CCDC102B: variants seen among roughly 807,000 people sequenced by gnomAD.
CCDC102B encodes the protein coiled-coil domain containing 102B.
Under a neutral mutation model 57.4 loss-of-function variants are expected in CCDC102B, and 75 were observed. That is an observed-to-expected ratio of 1.31 (90% CI 1.08 to 1.58). The LOEUF is 1.58. Ranked by LOEUF, CCDC102B falls within the 40% of genes most tolerant of loss-of-function variation. The pLI is 0.00. For synonymous variants in CCDC102B, 206 were observed against 201.9 expected (o/e 1.02, Z -0.17); for missense variants, 636 against 582.6 (o/e 1.09, Z -0.94).
chr18:68,791,480 A>T (rs561630519), intron 2 of CCDC102B, among the ~76,000 whole-genome samples: 119 of 152,154 alleles, frequency 7.8e-4, no homozygotes, highest in African/African-American at 2.7e-3. Flanking sequence ...AAAATTAATT[A>T]TACACTGTAA....
chr18:68,981,817 A>G (rs1462604966), intron 6 of CCDC102B, among the ~76,000 whole-genome samples: 1 of 151,910 alleles, frequency 6.6e-6, no homozygotes, highest in Non-Finnish European at 1.5e-5. Context: ...TTCAATTCCC[A>G]CCTATGAGTG....
chr18:69,025,069 ATTAT>A (rs1455004697), intron 7 of CCDC102B, among the ~76,000 whole-genome samples: 1 of 152,126 alleles, frequency 6.6e-6, no homozygotes, highest in African/African-American at 2.4e-5. Flanking sequence ...ATGCTATTTA[ATTAT>A]TTTTTATTCT....
At chr18:68,916,460 G>A (rs1375718325) in intron 6 of CCDC102B, among the ~76,000 whole-genome samples, 1 of 152,106 alleles carries the variant, frequency 6.6e-6, no homozygotes, top group Non-Finnish European at 1.5e-5. Context: ...CTCTTTTCCT[G>A]CTTTAATCAG....
At chr18:68,907,757 G>T (rs1337033010) in intron 6 of CCDC102B, among the ~76,000 whole-genome samples, 1 of 152,014 alleles carries the variant, frequency 6.6e-6, no homozygotes, top group Non-Finnish European at 1.5e-5. Context: ...TTTATGCTTT[G>T]CAATTTGCAT....
intron 2 of CCDC102B, among the ~76,000 whole-genome samples, chr18:68,738,294 A>ATTTC (rs1568225301): frequency 6.6e-6 from 1 of 152,162 alleles, no homozygotes; most frequent in East Asian, 1.9e-4. Flanking sequence ...CTACAGAAAT[A>ATTTC]TGTAGCAAAG....
intron 6 of CCDC102B, among the ~76,000 whole-genome samples, chr18:69,008,765 C>T (rs1454812996): frequency 1.3e-5 from 2 of 152,144 alleles, no homozygotes; most frequent in Non-Finnish European, 2.9e-5. Context: ...CAAGAGCCTG[C>T]GACTAATCAA....
intron 2 of CCDC102B, among the ~76,000 whole-genome samples, chr18:68,789,554 T>C (rs2144655320): frequency 6.7e-6 from 1 of 149,812 alleles, no homozygotes; most frequent in Non-Finnish European, 1.5e-5. Context: ...TCTCTAAACT[T>C]CCCTTCTCGC....
At chr18:68,988,647 A>G (rs2050787433) in intron 6 of CCDC102B, among the ~76,000 whole-genome samples, 1 of 152,192 alleles carries the variant, frequency 6.6e-6, no homozygotes, top group Non-Finnish European at 1.5e-5. Flanking sequence ...GAGTACTGGA[A>G]TCAATGATAT....
intron 7 of CCDC102B, among the ~76,000 whole-genome samples, chr18:69,020,593 T>G (rs2051804500): frequency 6.6e-6 from 1 of 152,072 alleles, no homozygotes. Flanking sequence ...TCTATTAGGT[T>G]GGTGTAAAAG....
At chr18:69,038,352 T>A (rs1006042845) in intron 7 of CCDC102B, among the ~76,000 whole-genome samples, 505 of 11,186 alleles carry the variant, frequency 0.045, 1 homozygote, top group Non-Finnish European at 0.42. Context: ...GTGCAAAATG[T>A]TTTGTGTGTT....
rs192072594 is a variant in CCDC102B at position 68,937,755 on chromosome 18, C to A, written c.1263+40327C>A. 5.3e-5 allele frequency among the ~76,000 whole-genome samples: 8 copies of A among 152,104 alleles called. 1 individual carries two copies. In the South Asian group the frequency reaches 6.2e-4, roughly 12 times the overall value. The stretch of plus-strand genomic sequence containing the variant: ...CTAACGCTATCCCTCCCCTATCCCC[C>A]TACCCCACCAGCCCCCTGACAGGCC... On this transcript the variant is annotated intron_variant, in intron 6 of 7. Transcript: ENST00000360242.
At chr18:68,793,429 C>A (rs1282646790), upstream of CCDC102B, among the ~76,000 whole-genome samples, 2 of 151,990 alleles carry the variant, frequency 1.3e-5, no homozygotes, top group Non-Finnish European at 2.9e-5. Context: ...ACTATTAATT[C>A]TTTCAATTTA....
chr18:68,779,647 T>C (rs1188847872), intron 2 of CCDC102B, among the ~76,000 whole-genome samples: 1 of 152,090 alleles, frequency 6.6e-6, no homozygotes, highest in South Asian at 2.1e-4. Flanking sequence ...TCAAAAATGT[T>C]TGGAGACCAT....
chr18:68,832,427 G>T (rs1339336899), intron 1 of CCDC102B, among the ~76,000 whole-genome samples: 1 of 152,166 alleles, frequency 6.6e-6, no homozygotes, highest in African/African-American at 2.4e-5. Context: ...GATGGCAGAA[G>T]TGATGTCTAT....
chr18:68,928,771 C>T (rs2041564578), intron 6 of CCDC102B, among the ~76,000 whole-genome samples: 1 of 151,762 alleles, frequency 6.6e-6, no homozygotes, highest in South Asian at 2.1e-4. Flanking sequence ...TAACTTGAGC[C>T]TTTTTAATGC....
At chr18:68,763,564 T>A (rs899312500) in intron 2 of CCDC102B, among the ~76,000 whole-genome samples, 1 of 152,162 alleles carries the variant, frequency 6.6e-6, no homozygotes, top group African/African-American at 2.4e-5. Flanking sequence ...TACTGTGATA[T>A]GCCAATGCAG....
At chr18:69,037,562 A>C (rs948747566) in intron 7 of CCDC102B, among the ~76,000 whole-genome samples, 1 of 151,960 alleles carries the variant, frequency 6.6e-6, no homozygotes, top group East Asian at 1.9e-4. Context: ...CCCCACCTAG[A>C]CTCACTGAGT....
intron 1 of CCDC102B, among the ~76,000 whole-genome samples, chr18:68,828,937 G>T (rs1380517496): frequency 6.6e-6 from 1 of 151,774 alleles, no homozygotes; most frequent in Non-Finnish European, 1.5e-5. Context: ...TTCTTAGTGG[G>T]TATATTTGAA....
At chr18:68,752,194 A>G (rs187954422) in intron 2 of CCDC102B, among the ~76,000 whole-genome samples, 1 of 152,254 alleles carries the variant, frequency 6.6e-6, no homozygotes, top group African/African-American at 2.4e-5. Context: ...CGGGAAGCAG[A>G]GGTTGCAGTG....
Sources: gnomAD v4.1 joint callset for allele counts (sites outside exome capture counted in the v4.1 genomes callset) on GRCh38, gnomAD v4.1.1 for gene constraint, MANE v1.5 for transcripts, NCBI Gene and HGNC (gene_info 2026-07-23, HGNC 2026-07-21) for gene names.